EPS8L2: variants seen among roughly 807,000 people sequenced by gnomAD.
EPS8L2 encodes epidermal growth factor receptor kinase substrate 8-like protein 2.
EPS8L2 carries 81 observed loss-of-function variants against 99.4 expected under a neutral mutation model. The observed-to-expected ratio is 0.82, with a 90% CI of 0.68 to 0.98. The LOEUF (loss-of-function observed/expected upper bound fraction) is 0.98. Among genes scored for constraint, EPS8L2 ranks in the 50% least tolerant of loss-of-function variants. The pLI is 0.00. For missense variants in EPS8L2, 1,155 were observed against 968.8 expected, an observed-to-expected ratio of 1.19 and a Z score of -2.55; for synonymous variants, 509 against 407.3, an observed-to-expected ratio of 1.25 and a Z score of -3.01.
At chr11:715,188 G>A (rs1180554062) in intron 4 of EPS8L2, among the ~76,000 whole-genome samples, 2 of 151,878 alleles carry the variant, frequency 1.3e-5, no homozygotes, top group African/African-American at 4.8e-5. Context: ...CTTGCAGTAA[G>A]CTGAGATTGC....
intron 4 of EPS8L2, among the ~76,000 whole-genome samples, chr11:715,546 G>A (rs956633626): frequency 9.9e-5 from 15 of 150,822 alleles, no homozygotes; most frequent in African/African-American, 2.7e-4. Flanking sequence ...TGTAAAGTGC[G>A]TTGACCTCCT....
At chr11:721,881 C>T (rs1266456414) in intron 10 of EPS8L2, 22 bp from the exon 11 acceptor site, 2 of 1,569,908 alleles carry the variant, frequency 1.3e-6, no homozygotes, top group Admixed American at 1.9e-5. Context: ...CAGCCTGGCT[C>T]ACGCGGTGCC....
At chr11:720,795 C>G (rs899967190) in intron 6 of EPS8L2, 35 bp from the exon 7 acceptor site, 39 of 1,532,650 alleles carry the variant, frequency 2.5e-5, no homozygotes, top group Non-Finnish European at 3.2e-5. Flanking sequence ...GCGCCGCGCC[C>G]CGCCCTCCTG....
At chr11:717,007 C>T (rs778160760) in intron 4 of EPS8L2, among the ~76,000 whole-genome samples, 16 of 152,162 alleles carry the variant, frequency 1.1e-4, no homozygotes, top group Admixed American at 2.0e-4. Flanking sequence ...GACAGAGTCT[C>T]GCTCTGTTGC....
At position 726,880 on chromosome 11, in the gene EPS8L2, GCCC is replaced by G. The variant is rs1862345702; in HGVS notation, c.2068-18_2068-16del. ...ACACGTGGGACCCCCGGCTGAGGAT[GCCC>G]CCATTTCTCCTCCCTAGAAGCAGCA... On this transcript the variant is annotated intron_variant, in intron 20 of 20. Transcript: ENST00000318562. 6.2e-7 allele frequency: 1 copy of G among 1,608,892 alleles called. No homozygotes were observed.
rs1862363898 is a variant in EPS8L2, at chr11:727,528, T to C, written c.*547T>C. 6.5e-6 allele frequency: 1 copy of C among 153,320 alleles called. No homozygotes were observed. The highest frequency in any genetic ancestry group is 1.5e-5 in the Non-Finnish European group (1 of 68,598). The allele number at this position is 153,320 out of a possible 1,614,324, so 9.5% of individuals were successfully genotyped here. Reference sequence around the variant, plus strand: ...AGGGCCGACAACGCAGGGGACACCGTGCCGGCTTCAGACACTCCCAGCGCC... The same window carrying C: ...AGGGCCGACAACGCAGGGGACACCGCGCCGGCTTCAGACACTCCCAGCGCC... On this transcript the variant is annotated 3_prime_UTR_variant, in exon 21 of 21. Transcript: ENST00000318562.
At chr11:725,601 G>A (rs61045021) in intron 16 of EPS8L2, 127 bp from the exon 17 acceptor site, 14,052 of 901,398 alleles carry the variant, frequency 0.016, 141 homozygotes, top group Middle Eastern at 0.029. Flanking sequence ...GGGGTGCGGA[G>A]AGAATGGAGC....
rs182645171 is a variant in EPS8L2 at position 715,074 on chromosome 11, C to T, written c.165+4588C>T. Among the ~76,000 whole-genome samples, 988 of 152,176 alleles carry T rather than the reference C, an allele frequency of 6.5e-3. 14 individuals carry two copies. Among genetic ancestry groups the T allele is most frequent in the African/African-American group, 0.022 (897 of 41,506 alleles). ...TGGCTAACATGGTGAAACCCCGTCT[C>T]TACTAAAAATACAAAAAATTAGCCA... On this transcript the variant is annotated intron_variant, in intron 4 of 20. Coordinates refer to ENST00000318562, the MANE Select transcript of EPS8L2 (RefSeq NM_022772.4).
Position 723,311 on chromosome 11 carries a change from CG to C in EPS8L2, c.1417del (p.Asp473MetfsTer47), listed in dbSNP as rs745442020. The C allele has an allele frequency of 4.4e-6, 7 of 1,598,492 alleles. No individual in the cohort carries two copies. The highest frequency in any genetic ancestry group is 1.8e-5 in the Admixed American group (1 of 57,096). ...AGCCCCACTTCAGAGCCCACCCCCC[CG>C]GGGGATGCCCTACCACCAGTCAGCT... ...KHSPTSEPTP[P>X]GDALPPVSSP... On this transcript the variant is annotated frameshift_variant, in exon 15 of 21. Coordinates refer to ENST00000318562, the MANE Select transcript of EPS8L2 (RefSeq NM_022772.4). LOFTEE classifies it high-confidence loss of function.
At chr11:722,335 G>C in intron 12 of EPS8L2, 66 bp from the exon 13 acceptor site, 3 of 1,584,006 alleles carry the variant, frequency 1.9e-6, no homozygotes, top group Non-Finnish European at 2.6e-6. Context: ...CCAGCCTGTG[G>C]AGCTACGGGG....
Position 721,661 on chromosome 11 carries a change from G to T in EPS8L2, c.865G>T (p.Gly289Trp). 1 of 1,588,412 alleles carries T rather than the reference G, an allele frequency of 6.3e-7. No homozygotes were observed. The highest frequency in any genetic ancestry group is 8.5e-7 in the Non-Finnish European group (1 of 1,170,118). The change falls in exon 10 of 21, where the codon GGG becomes TGG. Residue 289 changes from glycine (G) to tryptophan (W), a missense_variant. Gly to Trp is a radical substitution (Grantham distance 184). Transcript: ENST00000318562. The part of the protein sequence containing the change: ...AFKQLNQRKK[G>W]KKKGKKAPAE... ...CAAGCAGCTGAACCAGCGGAAAAAG[G>T]GGAAGAAGAAGGGCAAGAAGGCGCC...
intron 4 of EPS8L2, among the ~76,000 whole-genome samples, chr11:714,209 C>T (rs1196777859): frequency 6.6e-6 from 1 of 150,986 alleles, no homozygotes; most frequent in Admixed American, 6.7e-5. Flanking sequence ...GTGGAAGTTC[C>T]TGTGTTTTCT....
intron 18 of EPS8L2, 55 bp from the exon 19 acceptor site, chr11:726,249 C>G (rs961143595): frequency 5.1e-6 from 8 of 1,567,266 alleles, no homozygotes; most frequent in Non-Finnish European, 5.2e-6. Flanking sequence ...GTCCCTGGGC[C>G]GGGGGCGGGG....
chr11:720,989 A>AGGGGAGGAGCCGGCAGGGGAG (rs1862154257), intron 7 of EPS8L2, 75 bp from the exon 8 acceptor site: 1 of 1,419,832 alleles, frequency 7.0e-7, no homozygotes, highest in African/African-American at 1.5e-5. Context: ...CCGGCAGGGG[A>AGGGGAGGAGCCGGCAGGGGAG]GGGGAGGAGC....
chr11:709,768 G>A, intron 3 of EPS8L2, 160 bp downstream of exon 3: 1 of 743,422 alleles, frequency 1.3e-6, no homozygotes, highest in Middle Eastern at 3.3e-4. Flanking sequence ...CCTTCCGAAA[G>A]CTCCTGGCCA....
rs1381416725 is a variant in EPS8L2, at chr11:721,268, G to A, written c.701-17G>A. 12 of 1,539,328 alleles carry A rather than the reference G, an allele frequency of 7.8e-6. No homozygotes were observed. The highest frequency in any genetic ancestry group is 9.6e-6 in the Non-Finnish European group (11 of 1,146,156). On this transcript the variant is annotated splice_polypyrimidine_tract_variant and intron_variant, in intron 8 of 20. Transcript: ENST00000318562. ...GTTGTGGGGGGCTCGGTGAGCAGCC[G>A]CCGTGTCCCCCATCAGGTTTCCGCC...
intron 4 of EPS8L2, among the ~76,000 whole-genome samples, chr11:716,771 A>T (rs2133515308): frequency 6.6e-6 from 1 of 152,180 alleles, no homozygotes; most frequent in South Asian, 2.1e-4. Context: ...TTTTATTTTT[A>T]TTATGGGTTT....
chr11:724,575 G>A lies in EPS8L2; in HGVS notation c.1455-149G>A, dbSNP rs568037372. On this transcript the variant is annotated intron_variant, in intron 15 of 20. Transcript: ENST00000318562. This position sits in a 1 kb window ranked among gnomAD's most constrained non-coding sequence, Gnocchi z 5.5. ...GTCACAGTTTCCATTCCGGGCTGAC[G>A]CTGCCTGCAGCCTCTCTCCACGGTG... The A allele has an allele frequency of 4.1e-4, 253 of 622,832 alleles. No homozygotes were observed. Among genetic ancestry groups the A allele is most frequent in the Admixed American group, 1.3e-3 (48 of 38,278 alleles). 38.6% of individuals were successfully genotyped at this position (622,832 alleles called of 1,614,324 possible).
rs750411464 is a variant in EPS8L2 at position 721,652 on chromosome 11, C to T, written c.856C>T (p.Arg286Trp). The T allele has an allele frequency of 5.7e-6, 9 of 1,583,820 alleles. No homozygotes were observed. The highest frequency in any genetic ancestry group is 4.1e-5 in the African/African-American group (3 of 73,156). ...AAEAFKQLNQ[R>W]KKGKKKGKKA... ...CGAGGCTTTCAAGCAGCTGAACCAG[C>T]GGAAAAAGGGGAAGAAGAAGGGCAA... The change falls in exon 10 of 21, where the codon CGG becomes TGG. Residue 286 changes from arginine to tryptophan, a missense_variant. Coordinates refer to ENST00000318562, the MANE Select transcript of EPS8L2 (RefSeq NM_022772.4).
Sources: allele counts gnomAD v4.1 joint callset (sites outside exome capture counted in the v4.1 genomes callset), GRCh38; gene constraint gnomAD v4.1.1; non-coding constraint Gnocchi (gnomAD v3.1); transcripts MANE v1.5; gene names NCBI Gene and HGNC (gene_info 2026-07-23, HGNC 2026-07-21).